SPINK5: variants seen among roughly 807,000 people sequenced by gnomAD.
SPINK5 encodes the protein serine peptidase inhibitor Kazal type 5.
SPINK5 carries 125 observed loss-of-function variants against 151.8 expected under a neutral mutation model. That is an observed-to-expected ratio of 0.82 (90% CI 0.71 to 0.96). The LOEUF (loss-of-function observed/expected upper bound fraction) is 0.96, where lower values mean the gene tolerates loss of function less well. Ranked by LOEUF, SPINK5 falls within the 40% of genes least tolerant of loss-of-function variation. SPINK5 has a pLI of 0.00. For synonymous variants in SPINK5, 374 were observed against 395.3 expected, an observed-to-expected ratio of 0.95 and a Z score of 0.64; for missense variants, 1,194 against 1,291.9, an observed-to-expected ratio of 0.92 and a Z score of 1.16.
At chr5:148,088,858 A>C (rs1241291042) in intron 6 of SPINK5, among the ~76,000 whole-genome samples, 1 of 151,752 alleles carries the variant, frequency 6.6e-6, no homozygotes, top group East Asian at 1.9e-4. Context: ...AAGAAGAAGA[A>C]ATAAAAAGGA....
At chr5:148,076,740 A>G (rs1365592005) in intron 4 of SPINK5, among the ~76,000 whole-genome samples, 1 of 151,718 alleles carries the variant, frequency 6.6e-6, no homozygotes, top group Middle Eastern at 3.2e-3. Context: ...GAATAAGCCG[A>G]TAAAAACTTT....
intron 3 of SPINK5, 114 bp downstream of exon 3, chr5:148,070,564 T>C: frequency 7.3e-7 from 1 of 1,374,228 alleles, no homozygotes; most frequent in Non-Finnish European, 1.0e-6. Flanking sequence ...AATGGTTAAA[T>C]AAAAGTGCTG....
chr5:148,099,833 TA>T (rs1324358718), intron 12 of SPINK5, among the ~76,000 whole-genome samples: 1 of 152,088 alleles, frequency 6.6e-6, no homozygotes. Context: ...CTCCCTAACA[TA>T]GTTGGAGTAA....
At chr5:148,132,785 T>A (rs1754604321) in intron 31 of SPINK5, among the ~76,000 whole-genome samples, 1 of 152,078 alleles carries the variant, frequency 6.6e-6, no homozygotes, top group South Asian at 2.1e-4. Flanking sequence ...CAAGAAAATT[T>A]AAAAAAATGT....
In SPINK5 at chr5:148,111,764, G is replaced by A. The variant is rs1470675557; in HGVS notation, c.1693-4G>A. 6.2e-7 allele frequency: 1 copy of A among 1,613,950 alleles called. No individual in the cohort carries two copies. Among genetic ancestry groups the A allele is most frequent in the Non-Finnish European group, 8.5e-7 (1 of 1,179,882 alleles). On this transcript the variant is annotated splice_region_variant and splice_polypyrimidine_tract_variant and intron_variant, in intron 18 of 32. Coordinates refer to ENST00000256084, the MANE Select transcript of SPINK5 (RefSeq NM_006846.4). ...TTAAAACCTGCTTCTGCTTCATTTG[G>A]CAGGAGCTGTGCAGTGAATATCGTC...
chr5:148,119,280 A>G (rs1427663114), intron 24 of SPINK5, among the ~76,000 whole-genome samples: 3 of 152,134 alleles, frequency 2.0e-5, no homozygotes, highest in Non-Finnish European at 4.4e-5. Flanking sequence ...GCATTTTTAT[A>G]AATTACAGTT....
intron 4 of SPINK5, among the ~76,000 whole-genome samples, chr5:148,078,888 C>T (rs938015440): frequency 6.7e-6 from 1 of 150,160 alleles, no homozygotes; most frequent in South Asian, 2.1e-4. Context: ...GCAAACTAAA[C>T]CCAAAGCAAG....
Position 148,125,768 on chromosome 5 carries a change from A to G in SPINK5, c.2785A>G (p.Ile929Val), listed in dbSNP as rs1198845575. 6.2e-7 allele frequency: 1 copy of G among 1,614,196 alleles called. No individual in the cohort carries two copies. The highest frequency in any genetic ancestry group is 8.5e-7 in the Non-Finnish European group (1 of 1,180,006). ...FRNYIRNNEL[I>V]CPRENDPVHG... ...AAACTATATAAGGAACAATGAACTC[A>G]TCTGCCCTAGAGAGAATGACCCAGT... Residue 929 changes from isoleucine to valine, a missense_variant, in exon 29 of 33, where the codon ATC becomes GTC. Physicochemically the swap from Ile to Val is conservative, Grantham distance 29. Coordinates refer to ENST00000256084, the MANE Select transcript of SPINK5 (RefSeq NM_006846.4).
rs544527881 is a variant in SPINK5 at position 148,127,172 on chromosome 5, TG to T, written c.2964+94del. 3.3e-4 allele frequency: 357 copies of T among 1,074,838 alleles called. 1 individual carries two copies. In the African/African-American group the frequency reaches 4.8e-3, roughly 14 times the overall value. The allele number at this position is 1,074,838 out of a possible 1,614,324, so 66.6% of individuals were successfully genotyped here. On this transcript the variant is annotated intron_variant, in intron 30 of 32. Transcript: ENST00000256084. ...TATTTGCTATTTTCATAGAAGGGTC[TG>T]AGGTTTGCTGATTCAGTGCAGCCTG...
At chr5:148,076,528 C>G (rs1752885603) in intron 4 of SPINK5, among the ~76,000 whole-genome samples, 1 of 151,662 alleles carries the variant, frequency 6.6e-6, no homozygotes, top group Non-Finnish European at 1.5e-5. Context: ...AAAAAAATGT[C>G]AGTTTTCACC....
intron 27 of SPINK5, among the ~76,000 whole-genome samples, chr5:148,124,472 C>T (rs1754376423): frequency 6.6e-6 from 1 of 152,040 alleles, no homozygotes; most frequent in South Asian, 2.1e-4. Context: ...AGATGAGAGT[C>T]TTAAGTCTAT....
At chr5:148,096,684 A>AC (rs1753469742) in intron 10 of SPINK5, among the ~76,000 whole-genome samples, 1 of 149,358 alleles carries the variant, frequency 6.7e-6, no homozygotes. Flanking sequence ...CCATCAGGCC[A>AC]CCCTCTGCCA....
At chr5:148,133,722 A>G (rs1754627877) in intron 31 of SPINK5, 75 bp from the exon 32 acceptor site, 1 of 1,450,648 alleles carries the variant, frequency 6.9e-7, no homozygotes, top group Admixed American at 1.7e-5. Context: ...AGTGTCCTGC[A>G]TGTTGGTCCT....
At chr5:148,091,113 C>A in intron 7 of SPINK5, 52 bp from the exon 8 acceptor site, 2 of 1,489,482 alleles carry the variant, frequency 1.3e-6, no homozygotes, top group Non-Finnish European at 1.9e-6. Context: ...ACTGAGGATA[C>A]TGAAAATATG....
At chr5:148,114,912 G>T (rs1429029309) in intron 21 of SPINK5, among the ~76,000 whole-genome samples, 1 of 152,126 alleles carries the variant, frequency 6.6e-6, no homozygotes, top group Non-Finnish European at 1.5e-5. Context: ...AAGTTTGGAA[G>T]TACACCTAGA....
In SPINK5 at chr5:148,077,637, G is replaced by GTATATATATATATATATA. The variant is rs71001472; in HGVS notation, c.282+5423_282+5440dup. Among the ~76,000 whole-genome samples, 585 of 134,940 alleles carry GTATATATATATATATATA rather than the reference G, an allele frequency of 4.3e-3. 11 individuals carry two copies. The highest frequency in any genetic ancestry group is 0.023 in the East Asian group (106 of 4,544). The allele number at this position is 134,940 out of a possible 152,430, so 88.5% of individuals were successfully genotyped here. ...AACAATTATAATGCTGTTTTATCAG[G>GTATATATATATATATATA]TATATATATATATATATATATATGA... On this transcript the variant is annotated intron_variant, in intron 4 of 32. Coordinates refer to ENST00000256084, the MANE Select transcript of SPINK5 (RefSeq NM_006846.4).
At chr5:148,089,204 T>C (rs1753241239) in intron 6 of SPINK5, 3 of 504,950 alleles carry the variant, frequency 5.9e-6, no homozygotes, top group Non-Finnish European at 1.2e-5. Context: ...AAATGTCTCT[T>C]TTTATCACCT....
chr5:148,118,017 T>G (rs3822745), intron 22 of SPINK5, among the ~76,000 whole-genome samples: 82,242 of 151,822 alleles, frequency 0.54, 23,420 homozygotes, highest in Admixed American at 0.64. Context: ...TTAGGGGTTT[T>G]TTTGTTTGTT....
intron 20 of SPINK5, 98 bp from the exon 21 acceptor site, chr5:148,114,264 C>A: frequency 7.9e-7 from 1 of 1,270,602 alleles, no homozygotes; most frequent in Non-Finnish European, 1.0e-6. Flanking sequence ...AGGTCATTTT[C>A]TCTCTCTTTT....
Sources: gnomAD v4.1 joint callset for allele counts (sites outside exome capture counted in the v4.1 genomes callset) on GRCh38, gnomAD v4.1.1 for gene constraint, MANE v1.5 for transcripts, NCBI Gene and HGNC (gene_info 2026-07-23, HGNC 2026-07-21) for gene names.